ARK2N: variants seen among roughly 807,000 people sequenced by gnomAD.
ARK2N encodes arkadia (RNF111) N-terminal like PKA signaling regulator 2N.
the ARK2N span, among the ~76,000 whole-genome samples, chr18:46,185,108 C>G: frequency 0.011 from 1,733 of 152,254 alleles, 29 homozygotes; most frequent in South Asian, 0.027. Context: ...TACTTTTAAG[C>G]AAACAAGTTG....
the ARK2N span, among the ~76,000 whole-genome samples, chr18:46,256,170 CA>C: frequency 1.3e-5 from 2 of 152,156 alleles, no homozygotes; most frequent in Non-Finnish European, 2.9e-5. Flanking sequence ...AGTTACATTT[CA>C]AATTTTAATT....
chr18:46,239,421 A>C, the ARK2N span, among the ~76,000 whole-genome samples: 1 of 152,238 alleles, frequency 6.6e-6, no homozygotes, highest in Admixed American at 6.5e-5. Context: ...GTCTTTTTAC[A>C]GAATGTCATA....
chr18:46,261,651 A>G, the ARK2N span, among the ~76,000 whole-genome samples: 1 of 152,164 alleles, frequency 6.6e-6, no homozygotes, highest in African/African-American at 2.4e-5. Flanking sequence ...CTAATCTTTG[A>G]AAAGGTAGTA....
At chr18:46,183,496 T>G in the ARK2N span, among the ~76,000 whole-genome samples, 6 of 152,214 alleles carry the variant, frequency 3.9e-5, no homozygotes, top group Non-Finnish European at 7.3e-5. Flanking sequence ...TAGTAGCTGT[T>G]GGTGATCGTT....
At chr18:46,201,088 C>T in the ARK2N span, among the ~76,000 whole-genome samples, 26 of 151,462 alleles carry the variant, frequency 1.7e-4, no homozygotes, top group East Asian at 4.3e-3. Context: ...AAGTGATCCT[C>T]CTACCTCAGC....
the ARK2N span, among the ~76,000 whole-genome samples, chr18:46,261,833 T>G: frequency 0.029 from 4,353 of 152,244 alleles, 191 homozygotes; most frequent in African/African-American, 0.099. Flanking sequence ...AGGGCATGTT[T>G]GCAGGAGTTT....
At chr18:46,220,399 G>C in the ARK2N span, among the ~76,000 whole-genome samples, 2 of 152,234 alleles carry the variant, frequency 1.3e-5, no homozygotes, top group Admixed American at 1.3e-4. Context: ...TTACCTCATA[G>C]TTTTTTTCTC....
chr18:46,237,191 C>A, the ARK2N span, among the ~76,000 whole-genome samples: 1 of 151,924 alleles, frequency 6.6e-6, no homozygotes, highest in East Asian at 1.9e-4. Flanking sequence ...GCTGAATTTT[C>A]CTAGTTCCTC....
the ARK2N span, among the ~76,000 whole-genome samples, chr18:46,246,589 C>G: frequency 2.7e-5 from 4 of 146,542 alleles, no homozygotes; most frequent in Admixed American, 6.8e-5. Flanking sequence ...ATTTAGCACC[C>G]CCATCACTTT....
chr18:46,232,730 TA>T, the ARK2N span: 1 of 152,178 alleles, frequency 6.6e-6, no homozygotes, highest in East Asian at 1.9e-4. Context: ...TACCACAGTG[TA>T]AAATAGAAGA....
chr18:46,208,505 C>A, the ARK2N span, among the ~76,000 whole-genome samples: 13 of 115,120 alleles, frequency 1.1e-4, no homozygotes, highest in Admixed American at 5.2e-4. Context: ...AAGTCTCGCT[C>A]TGTCACCAGG....
the ARK2N span, among the ~76,000 whole-genome samples, chr18:46,190,743 C>T: frequency 6.6e-5 from 10 of 152,066 alleles, no homozygotes; most frequent in Admixed American, 5.2e-4. Flanking sequence ...TGTAGTGTAG[C>T]GTGGAGGCAC....
the ARK2N span, among the ~76,000 whole-genome samples, chr18:46,214,468 T>C: frequency 6.6e-6 from 1 of 152,254 alleles, no homozygotes; most frequent in South Asian, 2.1e-4. Context: ...AACAAGATAC[T>C]GCTGGTCTTT....
the ARK2N span, among the ~76,000 whole-genome samples, chr18:46,175,156 A>G: frequency 1.3e-5 from 2 of 150,770 alleles, no homozygotes; most frequent in East Asian, 2.0e-4. Context: ...CCATCACAAA[A>G]TTGATGCTCA....
At chr18:46,239,604 T>C in the ARK2N span, among the ~76,000 whole-genome samples, 3 of 152,250 alleles carry the variant, frequency 2.0e-5, no homozygotes, top group African/African-American at 7.2e-5. Context: ...AAGAACTAGA[T>C]TCATTCTTTT....
chr18:46,206,082 T>C, the ARK2N span, among the ~76,000 whole-genome samples: 1 of 151,736 alleles, frequency 6.6e-6, no homozygotes, highest in East Asian at 1.9e-4. Context: ...ATTATTTCTC[T>C]ACCACCAAAC....
At chr18:46,205,877 T>C in the ARK2N span, among the ~76,000 whole-genome samples, 11 of 151,766 alleles carry the variant, frequency 7.2e-5, no homozygotes, top group African/African-American at 2.7e-4. Context: ...AGGCATGTGC[T>C]ACCATGCTCG....
At chr18:46,184,667 A>G in the ARK2N span, among the ~76,000 whole-genome samples, 1 of 152,184 alleles carries the variant, frequency 6.6e-6, no homozygotes, top group African/African-American at 2.4e-5. Context: ...GGCTGCAATG[A>G]GCTGTGATTG....
the ARK2N span, among the ~76,000 whole-genome samples, chr18:46,178,100 C>A: frequency 6.6e-6 from 1 of 152,140 alleles, no homozygotes; most frequent in Non-Finnish European, 1.5e-5. Flanking sequence ...CAGGCTAGGG[C>A]AGCCTAACCA....
Sources: allele counts gnomAD v4.1 joint callset (sites outside exome capture counted in the v4.1 genomes callset), GRCh38; gene constraint gnomAD v4.1.1; transcripts MANE v1.5; gene names NCBI Gene and HGNC (gene_info 2026-07-23, HGNC 2026-07-21).